The following AFF3 variants were observed in gnomAD, a reference collection of about 807,000 sequenced individuals.
The protein encoded by AFF3 is ALF transcription elongation factor 3, also known as AF4/FMR2 family member 3.
A neutral mutation model predicts 129.7 loss-of-function variants in AFF3; 32 were observed. That is an observed-to-expected ratio of 0.25 (90% CI 0.19 to 0.33). The LOEUF (loss-of-function observed/expected upper bound fraction) is 0.33. Among genes scored for constraint, AFF3 ranks in the 10% least tolerant of loss-of-function variants. The probability of loss-of-function intolerance (pLI) is 1.00; values close to 1 mark genes in which losing one functional copy is unlikely to be tolerated. For missense variants in AFF3, 1,373 were observed against 1,592.0 expected, an observed-to-expected ratio of 0.86 and a Z score of 2.34; for synonymous variants, 644 against 635.4, an observed-to-expected ratio of 1.01 and a Z score of -0.20.
intron 17 of AFF3, 86 bp from the exon 18 acceptor site, chr2:99,578,537 C>A (rs1677213260): frequency 6.4e-7 from 1 of 1,552,360 alleles, no homozygotes; most frequent in African/African-American, 1.4e-5. Flanking sequence ...CGTAGAATAT[C>A]TTTGGCTCTA....
intron 1 of AFF3, among the ~76,000 whole-genome samples, chr2:100,138,258 T>C (rs576892942): frequency 1.8e-4 from 27 of 152,306 alleles, no homozygotes; most frequent in Non-Finnish European, 3.8e-4. Context: ...GGCAAGCATG[T>C]GATCTAAACA....
chr2:100,016,809 A>G (rs1270028559), intron 4 of AFF3, among the ~76,000 whole-genome samples: 4 of 138,390 alleles, frequency 2.9e-5, no homozygotes, highest in Non-Finnish European at 6.3e-5. Context: ...GATGGCAGTG[A>G]TGCTGATGGT....
intron 12 of AFF3, among the ~76,000 whole-genome samples, chr2:99,670,038 T>G (rs1307653767): frequency 2.6e-5 from 4 of 152,088 alleles, no homozygotes; most frequent in Admixed American, 1.3e-4. Context: ...GGATCTAGCA[T>G]TAATTCCAAT....
intron 8 of AFF3, among the ~76,000 whole-genome samples, chr2:99,759,755 A>T (rs1682428238): frequency 6.6e-6 from 1 of 152,264 alleles, no homozygotes. Context: ...TACAAAATGT[A>T]ATTTATGAGG....
At chr2:99,716,276 C>G (rs1018020216) in intron 11 of AFF3, among the ~76,000 whole-genome samples, 1 of 152,106 alleles carries the variant, frequency 6.6e-6, no homozygotes, top group Non-Finnish European at 1.5e-5. Context: ...ATTACTTGAT[C>G]TTCTTGAGAT....
chr2:99,938,902 C>T (rs1290781759), intron 7 of AFF3, among the ~76,000 whole-genome samples: 4 of 152,092 alleles, frequency 2.6e-5, no homozygotes, highest in Admixed American at 1.3e-4. Context: ...TACATGCAGC[C>T]CCTCTGTATA....
intron 7 of AFF3, among the ~76,000 whole-genome samples, chr2:99,927,727 A>G (rs1235563074): frequency 6.6e-6 from 1 of 152,226 alleles, no homozygotes; most frequent in Non-Finnish European, 1.5e-5. Flanking sequence ...CCCTGAACTT[A>G]AAATAAAAGT....
Position 99,549,217 on chromosome 2 carries a change from C to CA in AFF3, c.*2256dup. The CA allele has an allele frequency of 1.4e-5, 3 of 211,622 alleles. No individual in the cohort carries two copies. The highest frequency in any genetic ancestry group is 1.9e-5 in the Non-Finnish European group (2 of 104,422). 13.1% of individuals were successfully genotyped at this position (211,622 alleles called of 1,614,324 possible). Reference sequence around the variant, plus strand: ...TAGGTAGAACAAAGCCTCAGTCCTCCAAAAAAATGACTCAAAATTTCTTAA... The same window carrying CA: ...TAGGTAGAACAAAGCCTCAGTCCTCCAAAAAAAATGACTCAAAATTTCTTAA... On this transcript the variant is annotated 3_prime_UTR_variant, in exon 25 of 25. Transcript: ENST00000672756.
chr2:100,016,866 G>A (rs529779037), intron 4 of AFF3, among the ~76,000 whole-genome samples: 15 of 151,198 alleles, frequency 9.9e-5, no homozygotes, highest in South Asian at 6.3e-4. Context: ...GGTGGTGATC[G>A]TGCTGGTGGT....
At chr2:99,841,671 A>G (rs1341063276) in intron 7 of AFF3, among the ~76,000 whole-genome samples, 1 of 152,190 alleles carries the variant, frequency 6.6e-6, no homozygotes, top group East Asian at 1.9e-4. Context: ...AATGGGAAAG[A>G]ACTTTGGAGC....
At chr2:99,793,562 T>C (rs185441828) in intron 8 of AFF3, among the ~76,000 whole-genome samples, 116 of 152,372 alleles carry the variant, frequency 7.6e-4, no homozygotes, top group African/African-American at 1.7e-3. Context: ...TCTATTGGCA[T>C]AAAGTTGTTA....
intron 11 of AFF3, among the ~76,000 whole-genome samples, chr2:99,710,286 C>T (rs1677778850): frequency 6.6e-6 from 1 of 152,156 alleles, no homozygotes; most frequent in Non-Finnish European, 1.5e-5. Context: ...GAGACAGAGT[C>T]TCTATTGTCC....
intron 4 of AFF3, among the ~76,000 whole-genome samples, chr2:100,053,151 C>T (rs1367236168): frequency 2.6e-5 from 4 of 152,216 alleles, no homozygotes; most frequent in African/African-American, 9.6e-5. Flanking sequence ...CATCAATTAT[C>T]TTCCTCTTGG....
chr2:99,573,789 G>C (rs1490595548), intron 18 of AFF3, among the ~76,000 whole-genome samples: 1 of 152,162 alleles, frequency 6.6e-6, no homozygotes, highest in African/African-American at 2.4e-5. Flanking sequence ...GGGGACAGAA[G>C]GGACGTTTGG....
In AFF3 at chr2:99,548,295, A is replaced by G. The variant is rs914458918; in HGVS notation, c.*3179T>C. 3 of 200,780 alleles carry G rather than the reference A, an allele frequency of 1.5e-5. No individual in the cohort carries two copies. Among genetic ancestry groups the G allele is most frequent in the Non-Finnish European group, 3.1e-5 (3 of 97,358 alleles). 12.4% of individuals were successfully genotyped at this position (200,780 alleles called of 1,614,324 possible). On this transcript the variant is annotated 3_prime_UTR_variant, in exon 25 of 25. Coordinates refer to ENST00000672756, the MANE Select transcript of AFF3 (RefSeq NM_001386135.1). Reference sequence around the variant, plus strand: ...TTGCTTAAATTTGAGAGTCTCTGGAAGGATATACATCAAACTGTGAGCAGT... The same window carrying G: ...TTGCTTAAATTTGAGAGTCTCTGGAGGGATATACATCAAACTGTGAGCAGT...
At chr2:99,970,649 C>T (rs1339257804) in intron 7 of AFF3, among the ~76,000 whole-genome samples, 1 of 152,204 alleles carries the variant, frequency 6.6e-6, no homozygotes, top group African/African-American at 2.4e-5. Flanking sequence ...ACATGCTCCC[C>T]TTCCTGCACG....
At chr2:99,694,585 T>A (rs1052085138) in intron 11 of AFF3, among the ~76,000 whole-genome samples, 4 of 152,118 alleles carry the variant, frequency 2.6e-5, no homozygotes, top group African/African-American at 9.7e-5. Context: ...ACACGCTGAA[T>A]CATTCTCTAG....
rs143257641 is a variant in AFF3 at position 100,056,340 on chromosome 2, C to T, written c.54-47408G>A. On this transcript the variant is annotated intron_variant, in intron 4 of 24. Coordinates refer to ENST00000672756, the MANE Select transcript of AFF3 (RefSeq NM_001386135.1). ...ACTCACTGCTGCCTTATTATATGTTCACAAACGTCTGCTTAATATTGCTTC... is the reference window on the plus strand; with the variant it reads ...ACTCACTGCTGCCTTATTATATGTTTACAAACGTCTGCTTAATATTGCTTC... Among the ~76,000 whole-genome samples the T allele has an allele frequency of 8.8e-3, 1,336 of 152,288 alleles. 9 individuals are homozygous for T. The highest frequency in any genetic ancestry group is 0.014 in the Non-Finnish European group (965 of 68,032).
chr2:99,932,517 C>T (rs1674120507), intron 7 of AFF3, among the ~76,000 whole-genome samples: 1 of 152,178 alleles, frequency 6.6e-6, no homozygotes, highest in Admixed American at 6.5e-5. Context: ...AAATGGCCTT[C>T]CCCACACTAC....
Sources: allele counts gnomAD v4.1 joint callset (sites outside exome capture counted in the v4.1 genomes callset), GRCh38; gene constraint gnomAD v4.1.1; transcripts MANE v1.5; gene names NCBI Gene and HGNC (gene_info 2026-07-23, HGNC 2026-07-21).